The following ACACA variants were observed in gnomAD, a reference collection of about 807,000 sequenced individuals.
ACACA encodes the protein acetyl-CoA carboxylase alpha.
Under a neutral mutation model 296.1 loss-of-function variants are expected in ACACA, and 103 were observed. The ratio of observed to expected loss-of-function variants is 0.35; its 90% CI spans 0.30 to 0.41. ACACA has a LOEUF of 0.41. ACACA is among the 10% of genes least tolerant of loss of function. The pLI is 1.00. For missense variants in ACACA, 1,554 were observed against 2,989.7 expected (o/e 0.52, Z 11.20); for synonymous variants, 953 against 1,038.6 (o/e 0.92, Z 1.58).
chr17:37,242,708 G>C (rs1216253438), intron 22 of ACACA, among the ~76,000 whole-genome samples: 1 of 150,902 alleles, frequency 6.6e-6, no homozygotes, highest in African/African-American at 2.4e-5. Flanking sequence ...TCCAGCCTTG[G>C]CGACAGAGCA....
At chr17:37,275,515 A>G (rs989887964) in intron 8 of ACACA, among the ~76,000 whole-genome samples, 1 of 146,568 alleles carries the variant, frequency 6.8e-6, no homozygotes, top group East Asian at 2.0e-4. Flanking sequence ...AAAAAAAAAG[A>G]AAAAAAAAGA....
chr17:37,279,622 G>C (rs2082419300), intron 5 of ACACA, among the ~76,000 whole-genome samples: 1 of 150,850 alleles, frequency 6.6e-6, no homozygotes, highest in African/African-American at 2.4e-5. Context: ...CACCAACCTG[G>C]GTGACAGAGC....
chr17:37,220,593 G>A (rs915657592), intron 29 of ACACA, among the ~76,000 whole-genome samples: 2 of 152,208 alleles, frequency 1.3e-5, no homozygotes, highest in Non-Finnish European at 2.9e-5. Context: ...AATGTACCGA[G>A]AGATGCTTGC....
intron 14 of ACACA, 108 bp from the exon 15 acceptor site, chr17:37,253,144 C>T: frequency 6.6e-7 from 1 of 1,515,156 alleles, no homozygotes; most frequent in Non-Finnish European, 9.1e-7. Flanking sequence ...GTAATCCTAA[C>T]ACTTTGGGAG....
At chr17:37,194,336 A>C (rs2077894209) in intron 35 of ACACA, among the ~76,000 whole-genome samples, 2 of 152,144 alleles carry the variant, frequency 1.3e-5, no homozygotes, top group South Asian at 4.2e-4. Context: ...ATGTGAAGGA[A>C]ACATGGACTG....
chr17:37,246,729 A>G, intron 19 of ACACA, 97 bp downstream of exon 19: 1 of 1,509,128 alleles, frequency 6.6e-7, no homozygotes, highest in African/African-American at 1.4e-5. Flanking sequence ...CACTGTGCCC[A>G]GCCTCCTTTC....
chr17:37,325,624 A>C (rs2047582865), intron 3 of ACACA, among the ~76,000 whole-genome samples: 1 of 106,556 alleles, frequency 9.4e-6, no homozygotes, highest in Non-Finnish European at 1.7e-5. Flanking sequence ...CCCAGGCTGG[A>C]GTGCAATGGC....
At chr17:37,285,672 G>A (rs1014650301) in intron 3 of ACACA, among the ~76,000 whole-genome samples, 1 of 136,014 alleles carries the variant, frequency 7.4e-6, no homozygotes, top group East Asian at 2.5e-4. Flanking sequence ...AAATTAGCTG[G>A]CACAGTCGTG....
chr17:37,232,521 A>G (rs12453407), intron 25 of ACACA, among the ~76,000 whole-genome samples: 98,228 of 152,056 alleles, frequency 0.65, 34,706 homozygotes, highest in East Asian at 0.99. Context: ...GGAAGGGGGA[A>G]CAGCTAAGCG....
At chr17:37,206,989 A>G in intron 31 of ACACA, 110 bp from the exon 32 acceptor site, 1 of 1,024,186 alleles carries the variant, frequency 9.8e-7, no homozygotes, top group East Asian at 2.6e-5. Context: ...TGGGCTCAAT[A>G]GTTAATTGAA....
rs111689752 is a variant in ACACA at position 37,151,158 on chromosome 17, T to C, written c.5568+143A>G. ...TTTATATTATCCTATCTTCCTATTA[T>C]CATGTGTGATTAAAATATAATTATA... On this transcript the variant is annotated intron_variant, in intron 44 of 55. Transcript: ENST00000616317. 143 of 950,638 alleles carry C rather than the reference T, an allele frequency of 1.5e-4. No homozygotes were observed. The African/African-American group carries it at 2.0e-3, about 14-fold the overall frequency. 58.9% of individuals were successfully genotyped at this position (950,638 alleles called of 1,614,324 possible).
At chr17:37,152,854 T>C (rs576496551) in intron 43 of ACACA, among the ~76,000 whole-genome samples, 1 of 152,344 alleles carries the variant, frequency 6.6e-6, no homozygotes, top group South Asian at 2.1e-4. Flanking sequence ...CCTGCCCCCA[T>C]ATTTTCCTGC....
rs1015697911 is a variant in ACACA at position 37,216,191 on chromosome 17, T to C, written c.3683+5533A>G. Among the ~76,000 whole-genome samples, 197 of 140,678 alleles carry C rather than the reference T, an allele frequency of 1.4e-3. 3 individuals are homozygous for C. The highest frequency in any genetic ancestry group is 0.013 in the South Asian group (60 of 4,588). 92.3% of individuals were successfully genotyped at this position (140,678 alleles called of 152,430 possible). On this transcript the variant is annotated intron_variant, in intron 29 of 55. Transcript: ENST00000616317. ...CATGTTACATATACATACACACACG[T>C]GTGTGTGTGTGTGTGTGTATATATA...
At chr17:37,388,899 A>C in intron 1 of ACACA, 1 of 1,420,660 alleles carries the variant, frequency 7.0e-7, no homozygotes, top group Non-Finnish European at 9.6e-7. Context: ...TTGGAATTTG[A>C]GGAGATGTGC....
intron 3 of ACACA, among the ~76,000 whole-genome samples, chr17:37,286,506 G>GC (rs2082780449): frequency 6.6e-6 from 1 of 152,130 alleles, no homozygotes; most frequent in South Asian, 2.1e-4. Context: ...TCCTTTGCTA[G>GC]CTCCTTCCTG....
chr17:37,389,747 G>T lies in ACACA; in HGVS notation c.38+16515C>A, dbSNP rs948488189. Among the ~76,000 whole-genome samples the T allele has an allele frequency of 4.6e-5, 7 of 151,836 alleles. No individual in the cohort carries two copies. The East Asian group carries it at 1.4e-3, about 29-fold the overall frequency. On this transcript the variant is annotated intron_variant, in intron 1 of 55. Transcript: ENST00000616317. ...TGGGGTTAATATATAAGTGCTAGGA[G>T]ATTCGTCCCTAAGAGGACTGTGAAA... is the stretch of plus-strand genomic sequence containing the variant.
intron 54 of ACACA, among the ~76,000 whole-genome samples, chr17:37,095,593 AC>A (rs2072937136): frequency 6.6e-6 from 1 of 152,080 alleles, no homozygotes; most frequent in Non-Finnish European, 1.5e-5. Flanking sequence ...GTGGGCCAGG[AC>A]CCTTCAAGCC....
intron 48 of ACACA, 29 bp from the exon 49 acceptor site, chr17:37,122,656 C>T (rs1172661410): frequency 1.3e-6 from 2 of 1,565,256 alleles, no homozygotes; most frequent in African/African-American, 2.7e-5. Flanking sequence ...CATAAGAACC[C>T]AATGTATGTC....
intron 16 of ACACA, among the ~76,000 whole-genome samples, chr17:37,249,893 G>A (rs556221122): frequency 2.4e-4 from 36 of 152,310 alleles, no homozygotes; most frequent in African/African-American, 8.7e-4. Flanking sequence ...GAATCATGGG[G>A]GCGGTTCCCC....
Sources: gnomAD v4.1 joint callset for allele counts (sites outside exome capture counted in the v4.1 genomes callset) on GRCh38, gnomAD v4.1.1 for gene constraint, MANE v1.5 for transcripts, NCBI Gene and HGNC (gene_info 2026-07-23, HGNC 2026-07-21) for gene names.